AOAH: variants seen among roughly 807,000 people sequenced by gnomAD.
AOAH encodes the protein acyloxyacyl hydrolase (neutrophil).
A neutral mutation model predicts 92.2 loss-of-function variants in AOAH; 64 were observed. The observed-to-expected ratio is 0.69, with a 90% confidence interval of 0.57 to 0.86. The LOEUF (loss-of-function observed/expected upper bound fraction) is 0.86, where lower values mean the gene tolerates loss of function less well. Among genes scored for constraint, AOAH ranks in the 40% least tolerant of loss-of-function variants. AOAH has a pLI of 0.00. For synonymous variants in AOAH, 263 were observed against 254.5 expected (o/e 1.03, Z -0.32); for missense variants, 656 against 694.6 (o/e 0.94, Z 0.62).
Position 36,547,668 on chromosome 7 carries a change from AT to A in AOAH, c.1133+943del, listed in dbSNP as rs1199133982. On this transcript the variant is annotated intron_variant, in intron 15 of 20. Transcript: ENST00000617537. ...GAGTTGCTCTAAATCCTGTCTCACC[AT>A]TTTTTTTTTGGCCACAATCACAGGA... Among the ~76,000 whole-genome samples the A allele has an allele frequency of 3.8e-3, 566 of 147,226 alleles. 2 individuals are homozygous for A. The highest frequency in any genetic ancestry group is 0.015 in the Admixed American group (218 of 14,748).
chr7:36,642,442 C>G (rs189333298), intron 4 of AOAH, among the ~76,000 whole-genome samples: 4 of 152,294 alleles, frequency 2.6e-5, no homozygotes, highest in Admixed American at 2.0e-4. Context: ...CAGATTTTCT[C>G]TCACAGCCAT....
intron 19 of AOAH, among the ~76,000 whole-genome samples, chr7:36,528,231 T>C (rs1784504242): frequency 6.6e-6 from 1 of 152,252 alleles, no homozygotes; most frequent in Non-Finnish European, 1.5e-5. Context: ...AGGAAGTTCC[T>C]TGAACTGTTG....
chr7:36,522,673 G>A (rs1784166957), intron 19 of AOAH, among the ~76,000 whole-genome samples: 1 of 152,112 alleles, frequency 6.6e-6, no homozygotes, highest in Admixed American at 6.5e-5. Context: ...CCTTCAACAG[G>A]GATGAGAGAC....
At chr7:36,571,373 C>T (rs780345651) in intron 13 of AOAH, among the ~76,000 whole-genome samples, 6 of 152,172 alleles carry the variant, frequency 3.9e-5, no homozygotes, top group African/African-American at 1.2e-4. Context: ...AAGCCTCCAC[C>T]CCCAGCACAT....
intron 1 of AOAH, among the ~76,000 whole-genome samples, chr7:36,723,431 G>A (rs894002249): frequency 6.6e-6 from 1 of 152,160 alleles, no homozygotes; most frequent in Admixed American, 6.6e-5. Flanking sequence ...CCAGGTGATC[G>A]CCAAATCTGG....
At chr7:36,599,451 A>C (rs1790382116) in intron 11 of AOAH, among the ~76,000 whole-genome samples, 1 of 151,934 alleles carries the variant, frequency 6.6e-6, no homozygotes, top group African/African-American at 2.4e-5. Context: ...GCTGTGGACA[A>C]TCTACACAGT....
At chr7:36,580,049 T>G (rs372126690) in intron 12 of AOAH, among the ~76,000 whole-genome samples, 147 of 152,336 alleles carry the variant, frequency 9.6e-4, no homozygotes, top group African/African-American at 3.5e-3. Flanking sequence ...ATTCCAAGTG[T>G]TCTGAAATGT....
At chr7:36,609,362 A>C (rs1490934057) in intron 11 of AOAH, among the ~76,000 whole-genome samples, 2 of 152,160 alleles carry the variant, frequency 1.3e-5, no homozygotes, top group Non-Finnish European at 2.9e-5. Context: ...CTAGAATTCA[A>C]ATCTGCCCCT....
In AOAH at chr7:36,724,466, G is replaced by A; in HGVS notation, c.-318C>T. The stretch of plus-strand genomic sequence containing the variant: ...ATAAAGAAAACCCAAGTTGCACAGT[G>A]GCACAACTTCCGTGCTCCCTGGCTC... On this transcript the variant is annotated 5_prime_UTR_variant, in exon 1 of 21. Transcript: ENST00000617537. The A allele has an allele frequency of 4.3e-6, 1 of 231,460 alleles. No homozygotes were observed. Among genetic ancestry groups the A allele is most frequent in the South Asian group, 6.2e-5 (1 of 16,208 alleles). 14.3% of individuals were successfully genotyped at this position (231,460 alleles called of 1,614,324 possible).
intron 1 of AOAH, among the ~76,000 whole-genome samples, chr7:36,718,566 A>G (rs1230313039): frequency 1.3e-5 from 2 of 152,262 alleles, no homozygotes; most frequent in African/African-American, 4.8e-5. Context: ...ATGTTCATCA[A>G]CAATGAATAA....
intron 19 of AOAH, among the ~76,000 whole-genome samples, chr7:36,527,518 C>T (rs1293418068): frequency 6.6e-6 from 1 of 150,428 alleles, no homozygotes; most frequent in African/African-American, 2.5e-5. Flanking sequence ...ACTTCACAGG[C>T]GTGAATGGAG....
intron 19 of AOAH, among the ~76,000 whole-genome samples, chr7:36,524,739 CT>C (rs563515479): frequency 2.5e-3 from 355 of 144,334 alleles, no homozygotes; most frequent in African/African-American, 2.5e-3. Flanking sequence ...CTCGCTCACT[CT>C]TTTTTTTTTT....
intron 15 of AOAH, among the ~76,000 whole-genome samples, chr7:36,541,825 AAC>A (rs1261537805): frequency 6.6e-6 from 1 of 152,222 alleles, no homozygotes; most frequent in African/African-American, 2.4e-5. Flanking sequence ...CACCTTCAGG[AAC>A]ACAACAAATT....
intron 19 of AOAH, among the ~76,000 whole-genome samples, chr7:36,525,977 G>A (rs1784377904): frequency 6.6e-6 from 1 of 152,144 alleles, no homozygotes; most frequent in Non-Finnish European, 1.5e-5. Context: ...GCTTTGCGGG[G>A]GAATAGGAGC....
At chr7:36,673,270 T>G (rs1432263239) in intron 3 of AOAH, among the ~76,000 whole-genome samples, 1 of 152,242 alleles carries the variant, frequency 6.6e-6, no homozygotes, top group African/African-American at 2.4e-5. Flanking sequence ...CTGGGCCTGG[T>G]GGCTCATATC....
intron 1 of AOAH, among the ~76,000 whole-genome samples, chr7:36,699,568 G>C (rs551904370): frequency 6.7e-6 from 1 of 148,386 alleles, no homozygotes; most frequent in South Asian, 2.1e-4. Context: ...TCTACTTGTT[G>C]TCCATGTATA....
chr7:36,582,842 G>A (rs1360371222), intron 12 of AOAH, among the ~76,000 whole-genome samples: 1 of 137,172 alleles, frequency 7.3e-6, no homozygotes, highest in Non-Finnish European at 1.6e-5. Context: ...AAATTTCTTA[G>A]TCAGTGTCTT....
chr7:36,547,431 G>A (rs1245556648), intron 15 of AOAH, among the ~76,000 whole-genome samples: 1 of 152,194 alleles, frequency 6.6e-6, no homozygotes, highest in Admixed American at 6.5e-5. Context: ...ATACTATTGA[G>A]TTTTGTTTTC....
At chr7:36,703,433 T>G (rs1165916878) in intron 1 of AOAH, among the ~76,000 whole-genome samples, 1 of 152,212 alleles carries the variant, frequency 6.6e-6, no homozygotes. Context: ...CTGGGATACA[T>G]GTGCAGAACG....
Sources: allele counts gnomAD v4.1 joint callset (sites outside exome capture counted in the v4.1 genomes callset), GRCh38; gene constraint gnomAD v4.1.1; transcripts MANE v1.5; gene names NCBI Gene and HGNC (gene_info 2026-07-23, HGNC 2026-07-21).